The following RAB6A variants were observed in gnomAD, a reference collection of about 807,000 sequenced individuals.
RAB6A encodes the protein RAB6A, member RAS oncogene family, also known as ras-related protein Rab-6A.
In RAB6A, 8 loss-of-function variants were observed where a neutral mutation model predicts 32.3. The ratio of observed to expected loss-of-function variants is 0.25; its 90% CI spans 0.15 to 0.45. The LOEUF is 0.45. RAB6A is among the 20% of genes least tolerant of loss of function. RAB6A has a pLI of 1.00. For synonymous variants in RAB6A, 73 were observed against 82.1 expected (o/e 0.89, Z 0.60); for missense variants, 104 against 249.4 (o/e 0.42, Z 3.93).
At chr11:73,691,980 A>T (rs1236834222) in intron 6 of RAB6A, among the ~76,000 whole-genome samples, 1 of 152,046 alleles carries the variant, frequency 6.6e-6, no homozygotes, top group Non-Finnish European at 1.5e-5. Context: ...GTCTCCAAAA[A>T]AAAAAGAAAG....
chr11:73,692,677 G>A (rs889574563), intron 6 of RAB6A, among the ~76,000 whole-genome samples: 1 of 151,138 alleles, frequency 6.6e-6, no homozygotes, highest in Admixed American at 6.6e-5. Flanking sequence ...CCTGCCGGGC[G>A]CGGTGGCTCA....
Position 73,677,390 on chromosome 11 carries a change from G to A in RAB6A, c.*508C>T, listed in dbSNP as rs773274704. ...AGCAAGTGGTATCTGTAAAATTAAA[G>A]GATAATTCCAATGGGCTTGGTAGAA... On this transcript the variant is annotated 3_prime_UTR_variant, in exon 8 of 8. Transcript: ENST00000336083. The A allele has an allele frequency of 1.1e-5, 2 of 179,856 alleles. No homozygotes were observed. Among genetic ancestry groups the A allele is most frequent in the Non-Finnish European group, 2.6e-5 (2 of 76,808 alleles). The allele number at this position is 179,856 out of a possible 1,614,324, so 11.1% of individuals were successfully genotyped here. A position where few individuals can be genotyped will look rare whatever the true frequency, so the allele number is the denominator to read the frequency against.
chr11:73,720,292 T>A (rs1305754153), intron 3 of RAB6A, among the ~76,000 whole-genome samples: 21 of 151,254 alleles, frequency 1.4e-4, no homozygotes, highest in Admixed American at 7.9e-4. Flanking sequence ...GCGATTCTCC[T>A]GCCTCAGCCT....
intron 6 of RAB6A, among the ~76,000 whole-genome samples, chr11:73,698,849 A>AC (rs1945696856): frequency 8.5e-6 from 1 of 118,276 alleles, no homozygotes; most frequent in Admixed American, 1.0e-4. Flanking sequence ...TTTTTTTGCG[A>AC]TTTTTTTTTT....
At chr11:73,742,912 T>C (rs1273879694) in intron 1 of RAB6A, among the ~76,000 whole-genome samples, 1 of 152,012 alleles carries the variant, frequency 6.6e-6, no homozygotes, top group Non-Finnish European at 1.5e-5. Context: ...GGGATAAGAA[T>C]GCAAAAACAA....
At chr11:73,715,236 C>T (rs1469811687) in intron 5 of RAB6A, among the ~76,000 whole-genome samples, 1 of 152,108 alleles carries the variant, frequency 6.6e-6, no homozygotes, top group Non-Finnish European at 1.5e-5. Flanking sequence ...AAGCAGTTCT[C>T]CTGCCTCAGC....
chr11:73,709,968 T>A lies in RAB6A; in HGVS notation c.402-2455A>T, dbSNP rs1262228326. Reference sequence around the variant, plus strand: ...ACACACACATATATATATATTTTTTTTTTTTTTTGAGACGGAGTCTTGCTC... The same window carrying A: ...ACACACACATATATATATATTTTTTATTTTTTTTGAGACGGAGTCTTGCTC... On this transcript the variant is annotated intron_variant, in intron 5 of 7. Coordinates refer to ENST00000336083, the MANE Select transcript of RAB6A (RefSeq NM_198896.2). Among the ~76,000 whole-genome samples the A allele has an allele frequency of 7.9e-3, 1,174 of 147,762 alleles. 10 individuals are homozygous for A. Among genetic ancestry groups the A allele is most frequent in the East Asian group, 0.012 (60 of 5,116 alleles).
At chr11:73,720,446 T>A (rs186602427) in intron 3 of RAB6A, among the ~76,000 whole-genome samples, 63 of 152,244 alleles carry the variant, frequency 4.1e-4, no homozygotes, top group African/African-American at 1.5e-3. Context: ...CCTCCCAAAG[T>A]GCTGGGATTA....
chr11:73,736,813 A>AG (rs1555066458), intron 1 of RAB6A, among the ~76,000 whole-genome samples: 1 of 140,208 alleles, frequency 7.1e-6, no homozygotes, highest in Non-Finnish European at 1.5e-5. Context: ...AAAAAAGAAA[A>AG]AAAAAAAAAA....
At chr11:73,693,494 C>A (rs1448620306) in intron 6 of RAB6A, among the ~76,000 whole-genome samples, 3 of 143,356 alleles carry the variant, frequency 2.1e-5, no homozygotes, top group African/African-American at 5.1e-5. Flanking sequence ...GAGGCTGAGG[C>A]GGGTGGATCA....
intron 5 of RAB6A, among the ~76,000 whole-genome samples, chr11:73,711,282 C>T (rs1389213263): frequency 1.3e-5 from 2 of 151,932 alleles, no homozygotes; most frequent in African/African-American, 4.8e-5. Context: ...GGGATGGCAG[C>T]CCAGTAGGGT....
intron 6 of RAB6A, among the ~76,000 whole-genome samples, chr11:73,693,288 CAAAAAATA>C (rs1460098116): frequency 2.1e-5 from 3 of 141,136 alleles, no homozygotes; most frequent in African/African-American, 5.5e-5. Context: ...ACTCCGTCTC[CAAAAAATA>C]AATAAATAAA....
chr11:73,680,666 G>A (rs1359224072), intron 6 of RAB6A, among the ~76,000 whole-genome samples: 3 of 152,042 alleles, frequency 2.0e-5, no homozygotes, highest in Admixed American at 6.6e-5. Context: ...GGGGTGTGGG[G>A]GGGAGAGTTA....
intron 1 of RAB6A, among the ~76,000 whole-genome samples, chr11:73,739,263 TAAAA>T (rs58629008): frequency 0.022 from 203 of 9,382 alleles, 17 homozygotes; most frequent in African/African-American, 0.056. Flanking sequence ...TAATAATAAT[TAAAA>T]AAAAAAAAAA....
intron 2 of RAB6A, among the ~76,000 whole-genome samples, chr11:73,721,503 CT>C (rs1946132748): frequency 6.6e-6 from 1 of 152,042 alleles, no homozygotes; most frequent in African/African-American, 2.4e-5. Context: ...TGCCTGGCTG[CT>C]GTTTTCCCTA....
At chr11:73,697,417 G>A (rs148218067) in intron 6 of RAB6A, among the ~76,000 whole-genome samples, 2,384 of 151,570 alleles carry the variant, frequency 0.016, 69 homozygotes, top group African/African-American at 0.055. Context: ...TGCAACCTCC[G>A]CCTCACTGCA....
intron 2 of RAB6A, among the ~76,000 whole-genome samples, chr11:73,725,070 T>C (rs1215348119): frequency 6.6e-6 from 1 of 152,204 alleles, no homozygotes; most frequent in African/African-American, 2.4e-5. Flanking sequence ...TTTACTGCAG[T>C]ATACTGGAAT....
chr11:73,722,063 A>ATATATATATTTTTTTTTTTTTTTT, intron 2 of RAB6A, among the ~76,000 whole-genome samples: 1 of 146,166 alleles, frequency 6.8e-6, no homozygotes, highest in Non-Finnish European at 1.6e-5. Context: ...CATGATTGTA[A>ATATATATATTTTTTTTTTTTTTTT]GTTTCCTGAG....
chr11:73,754,916 TTTATTA>T (rs963723099), intron 1 of RAB6A, among the ~76,000 whole-genome samples: 8 of 150,720 alleles, frequency 5.3e-5, no homozygotes, highest in African/African-American at 1.7e-4. Context: ...ATGCAATGGG[TTTATTA>T]TTATTATTAT....
Sources: allele counts gnomAD v4.1 joint callset (sites outside exome capture counted in the v4.1 genomes callset), GRCh38; gene constraint gnomAD v4.1.1; transcripts MANE v1.5; gene names NCBI Gene and HGNC (gene_info 2026-07-23, HGNC 2026-07-21).